The following CALR3 variants were observed in gnomAD, a reference collection of about 807,000 sequenced individuals.
CALR3 encodes calreticulin-3.
Under a neutral mutation model 48.7 loss-of-function variants are expected in CALR3, and 39 were observed. The observed-to-expected ratio is 0.80, with a 90% CI of 0.62 to 1.05. The LOEUF (loss-of-function observed/expected upper bound fraction) is 1.05, where lower values mean the gene tolerates loss of function less well. Ranked by LOEUF, CALR3 falls within the 50% of genes least tolerant of loss-of-function variation. The pLI is 0.00. For synonymous variants in CALR3, 185 were observed against 172.7 expected (o/e 1.07, Z -0.56); for missense variants, 449 against 474.7 (o/e 0.95, Z 0.50).
chr19:16,481,151 C>T (rs999093482), intron 7 of CALR3, among the ~76,000 whole-genome samples: 1 of 151,132 alleles, frequency 6.6e-6, no homozygotes, highest in African/African-American at 2.4e-5. Flanking sequence ...GAGACTCAGT[C>T]TCAAAGAAAA....
At chr19:16,483,907 A>C in intron 5 of CALR3, 23 bp downstream of exon 5, 4 of 1,611,884 alleles carry the variant, frequency 2.5e-6, no homozygotes, top group Non-Finnish European at 3.4e-6. Flanking sequence ...CACTTTTTAG[A>C]GTTGCCCAGG....
intron 8 of CALR3, among the ~76,000 whole-genome samples, 194 bp downstream of exon 8, chr19:16,480,420 C>T (rs1425727608): frequency 6.6e-6 from 1 of 151,600 alleles, no homozygotes; most frequent in Non-Finnish European, 1.5e-5. Context: ...GACGTGGTGG[C>T]ATGCGCCTGT....
At chr19:16,495,260 G>A (rs1219792848) in intron 2 of CALR3, among the ~76,000 whole-genome samples, 1 of 136,128 alleles carries the variant, frequency 7.3e-6, no homozygotes, top group Non-Finnish European at 1.6e-5. Context: ...AGGAATCTTT[G>A]GCAATAAAGA....
At position 16,479,208 on chromosome 19, in the gene CALR3, C is replaced by A. The variant is rs200524093; in HGVS notation, c.1078G>T (p.Glu360Ter). 3 of 1,614,104 alleles carry A rather than the reference C, an allele frequency of 1.9e-6. No homozygotes were observed. The highest frequency in any genetic ancestry group is 2.5e-6 in the Non-Finnish European group (3 of 1,180,024). Residue 360 changes from glutamate to a stop codon, truncating the protein, a stop_gained, in exon 9 of 9, where the codon GAG becomes TAG. Transcript: ENST00000269881. LOFTEE classifies it low-confidence loss of function (END_TRUNC). ...EEMKKAREEE[E>*]EELLSGKINR... ...ATTTTTCCCGACAGCAGCTCTTCCTCCTCTTCCTCGCGGGCCTTCTTCATT... is the reference window on the plus strand; with the variant it reads ...ATTTTTCCCGACAGCAGCTCTTCCTACTCTTCCTCGCGGGCCTTCTTCATT...
rs2093395987 is a variant in CALR3, at chr19:16,490,436, T to C, written c.328A>G (p.Ile110Val). 2 of 1,614,066 alleles carry C rather than the reference T, an allele frequency of 1.2e-6. No individual in the cohort carries two copies. Among genetic ancestry groups the C allele is most frequent in the African/African-American group, 1.3e-5 (1 of 74,926 alleles). The change falls in exon 3 of 9, where the codon ATT (isoleucine) becomes GTT (valine). Residue 110 changes from isoleucine (I) to valine (V), a missense_variant. Ile to Val is a conservative substitution (Grantham distance 29, BLOSUM62 3). Coordinates refer to ENST00000269881, the MANE Select transcript of CALR3 (RefSeq NM_145046.5). ...EQKMDCGGGYIKVFPADIDQK... is the reference protein window; with the variant it reads ...EQKMDCGGGYVKVFPADIDQK... ...TCAATGTCTGCAGGAAAGACCTTAATGTAGCCCCCTCCACAGTCCATCTTC... is the reference window on the plus strand; with the variant it reads ...TCAATGTCTGCAGGAAAGACCTTAACGTAGCCCCCTCCACAGTCCATCTTC...
chr19:16,485,303 A>C (rs1599718776), intron 3 of CALR3, 46 bp from the exon 4 acceptor site: 13 of 1,203,480 alleles, frequency 1.1e-5, no homozygotes, highest in South Asian at 2.5e-5. Context: ...ATAATGCATC[A>C]CCGTAGAATA....
chr19:16,484,124 T>G lies in CALR3; in HGVS notation c.493-9A>C, dbSNP rs1364880507. 3 of 1,612,814 alleles carry G rather than the reference T, an allele frequency of 1.9e-6. No individual in the cohort carries two copies. The highest frequency in any genetic ancestry group is 1.7e-6 in the Non-Finnish European group (2 of 1,179,176). ...TGTGTGAAGCCATCAACCTGCATAT[T>G]TTAGGGGGAAAAGCGTAACAATTAA... On this transcript the variant is annotated splice_polypyrimidine_tract_variant and intron_variant, in intron 4 of 8. Transcript: ENST00000269881.
intron 2 of CALR3, among the ~76,000 whole-genome samples, chr19:16,491,725 C>T (rs1236747652): frequency 6.7e-6 from 1 of 149,054 alleles, no homozygotes; most frequent in African/African-American, 2.5e-5. Context: ...TGCAGTGAGC[C>T]GAGATTGCAC....
At position 16,490,356 on chromosome 19, in the gene CALR3, C is replaced by T. The variant is rs561183116; in HGVS notation, c.397+11G>A. ...CACTAGAAGTGGTTGTGTTGCACCA[C>T]GTAAACTCACCAAACATAATATAGT... On this transcript the variant is annotated intron_variant, in intron 3 of 8. Transcript: ENST00000269881. The T allele has an allele frequency of 5.0e-6, 8 of 1,613,692 alleles. No individual in the cohort carries two copies. In the East Asian group the frequency reaches 6.7e-5, roughly 13 times the overall value.
intron 8 of CALR3, among the ~76,000 whole-genome samples, chr19:16,479,587 CAA>C (rs1159976271): frequency 3.8e-4 from 31 of 82,582 alleles, no homozygotes; most frequent in Non-Finnish European, 3.0e-4. Flanking sequence ...GACTCTGTCT[CAA>C]AAAAAAAAAA....
At chr19:16,482,625 A>G in intron 6 of CALR3, 44 bp from the exon 7 acceptor site, 1 of 1,614,064 alleles carries the variant, frequency 6.2e-7, no homozygotes, top group South Asian at 1.1e-5. Flanking sequence ...TGACATGGGC[A>G]GCGGAGGGGC....
At chr19:16,480,964 TG>T (rs1484397589) in intron 7 of CALR3, among the ~76,000 whole-genome samples, 1 of 152,004 alleles carries the variant, frequency 6.6e-6, no homozygotes, top group Non-Finnish European at 1.5e-5. Context: ...AAGACTAGCC[TG>T]GCCAACACGG....
chr19:16,491,714 T>C (rs1205990236), intron 2 of CALR3, among the ~76,000 whole-genome samples: 1 of 143,196 alleles, frequency 7.0e-6, no homozygotes, highest in Non-Finnish European at 1.5e-5. Context: ...GAGGCGGAGG[T>C]TGCAGTGAGC....
Sources: allele counts gnomAD v4.1 joint callset (sites outside exome capture counted in the v4.1 genomes callset), GRCh38; gene constraint gnomAD v4.1.1; transcripts MANE v1.5; gene names NCBI Gene and HGNC (gene_info 2026-07-23, HGNC 2026-07-21).